Variants in KIFBP observed in about 807,000 individuals in gnomAD.
The protein encoded by KIFBP is KIF-binding protein.
KIFBP carries 46 observed loss-of-function variants against 58.9 expected under a neutral mutation model. That is an observed-to-expected ratio of 0.78 (90% CI 0.62 to 1.00). KIFBP has a LOEUF of 1.00. KIFBP is among the 50% of genes least tolerant of loss of function. The pLI, the probability that KIFBP is intolerant of heterozygous loss-of-function variation, is 0.00. For missense variants in KIFBP, 651 were observed against 752.9 expected (o/e 0.86, Z 1.58); for synonymous variants, 241 against 283.4 (o/e 0.85, Z 1.50).
At chr10:69,008,395 T>A (rs1547804) in intron 4 of KIFBP, among the ~76,000 whole-genome samples, 1,931 of 98,598 alleles carry the variant, frequency 0.02, 22 homozygotes, top group Middle Eastern at 0.032. Context: ...AAAAAAAATA[T>A]ATATATATAT....
At chr10:68,997,118 A>G (rs1843415500) in intron 1 of KIFBP, among the ~76,000 whole-genome samples, 1 of 152,332 alleles carries the variant, frequency 6.6e-6, no homozygotes, top group Middle Eastern at 3.4e-3. Context: ...CTCAGTATCC[A>G]GGACTATAGG....
chr10:69,009,762 G>GT (rs757487578), intron 5 of KIFBP, among the ~76,000 whole-genome samples: 1 of 152,030 alleles, frequency 6.6e-6, no homozygotes, highest in Non-Finnish European at 1.5e-5. Flanking sequence ...CATTTAACAG[G>GT]TTTTTTAATA....
chr10:68,996,157 CAAA>C (rs35440783), intron 1 of KIFBP, among the ~76,000 whole-genome samples: 1 of 143,494 alleles, frequency 7.0e-6, no homozygotes, highest in African/African-American at 2.6e-5. Context: ...GACTCTATCT[CAAA>C]AAAAAAAAAT....
intron 1 of KIFBP, 56 bp downstream of exon 1, chr10:68,989,314 G>C: frequency 6.3e-7 from 1 of 1,586,970 alleles, no homozygotes; most frequent in Non-Finnish European, 8.6e-7. Flanking sequence ...GGGATGGGGA[G>C]GAGCCCCTGC....
Position 69,010,813 on chromosome 10 carries a change from G to A in KIFBP, c.875-87G>A, listed in dbSNP as rs1843582011. On this transcript the variant is annotated intron_variant, in intron 5 of 6. Transcript: ENST00000361983. ...TAAAGATCTGTTACTTTTATAGTCA[G>A]GAAAAAGTGATATTAAAAAAATTAC... 5 of 853,732 alleles carry A rather than the reference G, an allele frequency of 5.9e-6. No individual in the cohort carries two copies. The South Asian group carries it at 7.1e-5, about 12-fold the overall frequency. 52.9% of individuals were successfully genotyped at this position (853,732 alleles called of 1,614,324 possible).
intron 6 of KIFBP, 113 bp downstream of exon 6, chr10:69,011,128 G>A: frequency 1.3e-6 from 1 of 742,002 alleles, no homozygotes; most frequent in Non-Finnish European, 2.4e-6. Context: ...TGAAAGGTGT[G>A]TAGAATGTTT....
chr10:69,002,401 G>A (rs7905104), intron 2 of KIFBP, among the ~76,000 whole-genome samples: 9 of 151,606 alleles, frequency 5.9e-5, no homozygotes, highest in East Asian at 2.0e-4. Flanking sequence ...CAAGTGATCC[G>A]CCCACCTCAG....
intron 2 of KIFBP, among the ~76,000 whole-genome samples, 169 bp downstream of exon 2, chr10:69,000,691 C>T (rs1843457914): frequency 6.6e-6 from 1 of 152,148 alleles, no homozygotes. Flanking sequence ...ATATTAAAGA[C>T]TTCAGGGTTT....
chr10:68,990,070 T>C (rs985895706), intron 1 of KIFBP, among the ~76,000 whole-genome samples: 2 of 152,236 alleles, frequency 1.3e-5, no homozygotes, highest in Non-Finnish European at 2.9e-5. Flanking sequence ...TTCATTTGTT[T>C]GCATCTTAGG....
chr10:69,012,589 C>T (rs1843607490), intron 6 of KIFBP, among the ~76,000 whole-genome samples: 1 of 151,826 alleles, frequency 6.6e-6, no homozygotes, highest in South Asian at 2.1e-4. Context: ...TGTTCTCACA[C>T]TGCTATAAAG....
chr10:69,015,342 T>A, intron 6 of KIFBP, 199 bp from the exon 7 acceptor site: 3 of 556,468 alleles, frequency 5.4e-6, no homozygotes, highest in Non-Finnish European at 9.4e-6. Flanking sequence ...ATACTTTTTT[T>A]TCCACATTTC....
At chr10:68,994,826 T>C (rs1476453612) in intron 1 of KIFBP, among the ~76,000 whole-genome samples, 2 of 151,922 alleles carry the variant, frequency 1.3e-5, no homozygotes, top group Admixed American at 1.3e-4. Flanking sequence ...AAAAGTTTTC[T>C]TGTGCTCCTT....
At position 69,005,871 on chromosome 10, in the gene KIFBP, TG is replaced by T; in HGVS notation, c.748del (p.Ala250LeufsTer61). ...GCACAATGCCTACCATCCTATAGAG[TG>T]GGCTATCAATGCTGCTACCTTGTCA... ...LEHNAYHPIE[W>X]AINAATLSQF... On this transcript the variant is annotated frameshift_variant, in exon 4 of 7. Coordinates refer to ENST00000361983, the MANE Select transcript of KIFBP (RefSeq NM_015634.4). LOFTEE classifies it high-confidence loss of function. 1 of 1,614,056 alleles carries T rather than the reference TG, an allele frequency of 6.2e-7. No individual in the cohort carries two copies. The highest frequency in any genetic ancestry group is 8.5e-7 in the Non-Finnish European group (1 of 1,180,008).
At chr10:68,996,198 A>G (rs1189414900) in intron 1 of KIFBP, among the ~76,000 whole-genome samples, 1 of 151,990 alleles carries the variant, frequency 6.6e-6, no homozygotes, top group African/African-American at 2.4e-5. Flanking sequence ...TAAAATGTCA[A>G]TAGTGATTAT....
intron 6 of KIFBP, 95 bp from the exon 7 acceptor site, chr10:69,015,446 T>G: frequency 8.1e-7 from 1 of 1,237,178 alleles, no homozygotes; most frequent in Non-Finnish European, 1.1e-6. Context: ...AGTAAGAGAC[T>G]TCTCTTCTAA....
intron 1 of KIFBP, chr10:68,991,348 A>G (rs1843344903): frequency 3.8e-6 from 1 of 264,114 alleles, no homozygotes; most frequent in South Asian, 4.7e-5. Context: ...GCAATCAGGA[A>G]GAAATTGGAA....
chr10:69,013,179 C>G (rs1290159935), intron 6 of KIFBP, among the ~76,000 whole-genome samples: 1 of 152,114 alleles, frequency 6.6e-6, no homozygotes, highest in East Asian at 1.9e-4. Flanking sequence ...GGTCCCTCCT[C>G]CAATTTAATG....
chr10:69,011,094 ATTGGG>A, intron 6 of KIFBP, 79 bp downstream of exon 6: 1 of 912,032 alleles, frequency 1.1e-6, no homozygotes, highest in East Asian at 2.4e-5. Context: ...GATTGTGCTC[ATTGGG>A]GTCACATTGT....
chr10:69,015,786 T>A lies in KIFBP; in HGVS notation c.1236T>A (p.Ile412=). 2 of 1,614,178 alleles carry A rather than the reference T, an allele frequency of 1.2e-6. No homozygotes were observed. The highest frequency in any genetic ancestry group is 1.7e-6 in the Non-Finnish European group (2 of 1,180,024). The change falls in exon 7 of 7, where the codon ATT becomes ATA. Residue 412 remains isoleucine, a synonymous_variant. Transcript: ENST00000361983. ...TTGAGGCAAAAGAGTTCTTTCAGATTGATGGTTATGTCACTGACCATATTG... is the reference window on the plus strand; with the variant it reads ...TTGAGGCAAAAGAGTTCTTTCAGATAGATGGTTATGTCACTGACCATATTG... ...YVFEAKEFFQ[I]DGYVTDHIEV...
Sources: allele counts gnomAD v4.1 joint callset (sites outside exome capture counted in the v4.1 genomes callset), GRCh38; gene constraint gnomAD v4.1.1; transcripts MANE v1.5; gene names NCBI Gene and HGNC (gene_info 2026-07-23, HGNC 2026-07-21).